INSR: variants seen among roughly 807,000 people sequenced by gnomAD.
INSR encodes the protein IR.
Under a neutral mutation model 142.6 loss-of-function variants are expected in INSR, and 67 were observed. That is an observed-to-expected ratio of 0.47 (90% CI 0.39 to 0.58). The LOEUF is 0.58. Ranked by LOEUF, INSR falls within the 20% of genes least tolerant of loss-of-function variation. The pLI is 0.00. For missense variants in INSR, 1,248 were observed against 1,833.2 expected (o/e 0.68, Z 5.83); for synonymous variants, 756 against 743.1 (o/e 1.02, Z -0.28).
At chr19:7,173,592 G>A (rs1974067133) in intron 4 of INSR, among the ~76,000 whole-genome samples, 1 of 142,832 alleles carries the variant, frequency 7.0e-6, no homozygotes, top group Non-Finnish European at 1.5e-5. Context: ...GGGATTACAG[G>A]CATGAGCCAC....
At chr19:7,179,372 G>A (rs948596165) in intron 3 of INSR, among the ~76,000 whole-genome samples, 1 of 152,214 alleles carries the variant, frequency 6.6e-6, no homozygotes, top group Non-Finnish European at 1.5e-5. Flanking sequence ...ATGGAGGGCT[G>A]AGCCTTAAAC....
intron 19 of INSR, among the ~76,000 whole-genome samples, chr19:7,121,790 G>A (rs1010868826): frequency 1.3e-5 from 2 of 152,188 alleles, no homozygotes; most frequent in African/African-American, 2.4e-5. Context: ...AGAAGTGAAT[G>A]GGTAAGTGAG....
intron 2 of INSR, among the ~76,000 whole-genome samples, chr19:7,239,766 A>C (rs999344809): frequency 1.3e-5 from 2 of 152,242 alleles, no homozygotes; most frequent in East Asian, 3.8e-4. Flanking sequence ...AGCACTTAAA[A>C]GAATGAACTA....
intron 2 of INSR, among the ~76,000 whole-genome samples, chr19:7,238,321 C>T (rs1241524866): frequency 6.6e-6 from 1 of 151,902 alleles, no homozygotes; most frequent in African/African-American, 2.4e-5. Context: ...ATTGATGCAA[C>T]AGAAAATGGA....
chr19:7,243,682 G>A (rs903427337), intron 2 of INSR, among the ~76,000 whole-genome samples: 54 of 152,216 alleles, frequency 3.5e-4, no homozygotes, highest in African/African-American at 1.3e-3. Flanking sequence ...AACTGATGAA[G>A]ACATTGCAAA....
intron 2 of INSR, among the ~76,000 whole-genome samples, chr19:7,191,952 GATAAAA>G (rs1974603425): frequency 7.5e-6 from 1 of 133,182 alleles, no homozygotes; most frequent in African/African-American, 2.8e-5. Context: ...GAAGGAGAGA[GATAAAA>G]AGAAAGAAGG....
intron 2 of INSR, among the ~76,000 whole-genome samples, chr19:7,231,092 T>G (rs1393854597): frequency 6.6e-6 from 1 of 152,148 alleles, no homozygotes; most frequent in Non-Finnish European, 1.5e-5. Flanking sequence ...ACCAGCTCGC[T>G]GATTTCCAGA....
intron 2 of INSR, among the ~76,000 whole-genome samples, chr19:7,207,781 A>C (rs1975144892): frequency 2.0e-5 from 3 of 151,822 alleles, no homozygotes; most frequent in Admixed American, 2.0e-4. Flanking sequence ...AAACTACTTG[A>C]GGGCCTGAGG....
chr19:7,243,005 A>G (rs954734811), intron 2 of INSR, among the ~76,000 whole-genome samples: 11 of 152,038 alleles, frequency 7.2e-5, no homozygotes, highest in African/African-American at 2.7e-4. Context: ...ACCAAACCCC[A>G]TCCCCCCAAC....
At position 7,231,122 on chromosome 19, in the gene INSR, A is replaced by G. The variant is rs956065100; in HGVS notation, c.652+36223T>C. On this transcript the variant is annotated intron_variant, in intron 2 of 21. Coordinates refer to ENST00000302850, the MANE Select transcript of INSR (RefSeq NM_000208.4). ...TCCAGAAACTCACAATTGCCCACTT[A>G]CTCGGCACAGCCTGTGCGCCACGGA... 1.2e-4 allele frequency among the ~76,000 whole-genome samples: 19 copies of G among 152,144 alleles called. No homozygotes were observed. The South Asian group carries it at 1.5e-3, about 12-fold the overall frequency.
At position 7,293,770 on chromosome 19, in the gene INSR, ACGCCCG is replaced by A. The variant is rs1224708120; in HGVS notation, c.100+16_100+21del. 6.1e-6 allele frequency: 8 copies of A among 1,319,556 alleles called. No homozygotes were observed. The African/African-American group carries it at 1.2e-4, about 20-fold the overall frequency. The allele number at this position is 1,319,556 out of a possible 1,614,324, so 81.7% of individuals were successfully genotyped here. A position where few individuals can be genotyped will look rare whatever the true frequency, so the allele number is the denominator to read the frequency against. ...CTCCCCATCGCGGCGCTCCCCGCCC[ACGCCCG>A]CGCCCCCAGACTCACCCTCTCCGGG... On this transcript the variant is annotated intron_variant, in intron 1 of 21. Coordinates refer to ENST00000302850, the MANE Select transcript of INSR (RefSeq NM_000208.4).
rs963143130 is a variant in INSR, at chr19:7,177,990, C to T, written c.975-3259G>A. Among the ~76,000 whole-genome samples, 63 of 152,196 alleles carry T rather than the reference C, an allele frequency of 4.1e-4. 1 individual carries two copies. The highest frequency in any genetic ancestry group is 3.0e-3 in the Admixed American group (46 of 15,264). On this transcript the variant is annotated intron_variant, in intron 3 of 21. Transcript: ENST00000302850. ...CTCAATGAAGCATACCACAAAAGCA[C>T]TTCGCACACAGAACGCAATTTTATC...
rs777349061 is a variant in INSR at position 7,128,950 on chromosome 19, G to A, written c.2847C>T (p.Asp949=). The A allele has an allele frequency of 1.3e-5, 21 of 1,605,548 alleles. No homozygotes were observed. The highest frequency in any genetic ancestry group is 3.3e-4 in the Middle Eastern group (2 of 6,076). The change falls in exon 15 of 22, where the codon GAC becomes GAT. Residue 949 remains aspartate (D), a synonymous_variant. Transcript: ENST00000302850. The stretch of plus-strand genomic sequence containing the variant: ...TAATTTTTGCAATATTTGACGGGAC[G>A]TCTACTGAAATAGAATAAGAAAATA... ...PTYFYVTDYL[D]VPSNIAKIII...
chr19:7,239,320 G>A (rs928795163), intron 2 of INSR, among the ~76,000 whole-genome samples: 5 of 119,184 alleles, frequency 4.2e-5, no homozygotes, highest in African/African-American at 1.6e-4. Context: ...ACAGCTCCCA[G>A]GGAAAGAGGA....
At chr19:7,183,421 G>A (rs1453230007) in intron 3 of INSR, among the ~76,000 whole-genome samples, 1 of 152,218 alleles carries the variant, frequency 6.6e-6, no homozygotes, top group East Asian at 1.9e-4. Flanking sequence ...TGCGATGTGC[G>A]TAGGAAATCT....
chr19:7,266,835 T>A (rs573985336), intron 2 of INSR, among the ~76,000 whole-genome samples: 1 of 152,336 alleles, frequency 6.6e-6, no homozygotes, highest in South Asian at 2.1e-4. Flanking sequence ...TTGCTTTTTT[T>A]TCGTTTACAA....
At position 7,294,017 on chromosome 19, in the gene INSR, C is replaced by T. The variant is rs1329316836; in HGVS notation, c.-126G>A. The stretch of plus-strand genomic sequence containing the variant: ...GTCCTTCTCTTCCACGCCCGCGACC[C>T]GCGGGCCGCAGCCCCCCTGCCGGGG... On this transcript the variant is annotated 5_prime_UTR_variant, in exon 1 of 22. Transcript: ENST00000302850. 1 of 1,036,614 alleles carries T rather than the reference C, an allele frequency of 9.6e-7. No homozygotes were observed. The highest frequency in any genetic ancestry group is 1.2e-6 in the Non-Finnish European group (1 of 846,322). The allele number at this position is 1,036,614 out of a possible 1,614,324, so 64.2% of individuals were successfully genotyped here. A position where few individuals can be genotyped will look rare whatever the true frequency, so the allele number is the denominator to read the frequency against.
intron 3 of INSR, among the ~76,000 whole-genome samples, chr19:7,183,512 C>G (rs936166969): frequency 1.3e-5 from 2 of 152,068 alleles, no homozygotes; most frequent in African/African-American, 4.8e-5. Flanking sequence ...CTTCAGAGAA[C>G]AGCAAAGCCC....
At chr19:7,169,273 C>A (rs747584147) in intron 6 of INSR, among the ~76,000 whole-genome samples, 1 of 152,072 alleles carries the variant, frequency 6.6e-6, no homozygotes, top group Non-Finnish European at 1.5e-5. Flanking sequence ...ACGCTATTGT[C>A]AAAAGGCTCT....
Sources: gnomAD v4.1 joint callset for allele counts (sites outside exome capture counted in the v4.1 genomes callset) on GRCh38, gnomAD v4.1.1 for gene constraint, MANE v1.5 for transcripts, NCBI Gene and HGNC (gene_info 2026-07-23, HGNC 2026-07-21) for gene names.